The following RHBDL3 variants were observed in gnomAD, a reference collection of about 807,000 sequenced individuals.
RHBDL3 encodes rhomboid-related protein 3.
In RHBDL3, 28 loss-of-function variants were observed where a neutral mutation model predicts 48.2. The ratio of observed to expected loss-of-function variants is 0.58; its 90% CI spans 0.43 to 0.80. The LOEUF is 0.80. RHBDL3 is among the 30% of genes least tolerant of loss of function. The pLI is 0.00. For synonymous variants in RHBDL3, 208 were observed against 232.3 expected (o/e 0.90, Z 0.95); for missense variants, 464 against 542.7 (o/e 0.85, Z 1.44).
At chr17:32,306,082 T>A (rs1347361350) in intron 7 of RHBDL3, among the ~76,000 whole-genome samples, 1 of 152,074 alleles carries the variant, frequency 6.6e-6, no homozygotes, top group African/African-American at 2.4e-5. Flanking sequence ...ACAGTCAAGT[T>A]TGTGGCAAAA....
intron 3 of RHBDL3, among the ~76,000 whole-genome samples, chr17:32,285,590 CTG>C (rs1472252420): frequency 6.6e-6 from 1 of 152,078 alleles, no homozygotes. Context: ...CTGCTGTGGA[CTG>C]GGGTTCAGTG....
chr17:32,292,014 C>T (rs2040342868), intron 4 of RHBDL3, among the ~76,000 whole-genome samples: 1 of 152,076 alleles, frequency 6.6e-6, no homozygotes, highest in Non-Finnish European at 1.5e-5. Flanking sequence ...TTGTGATCTG[C>T]CCGCCTCGGC....
intron 6 of RHBDL3, among the ~76,000 whole-genome samples, chr17:32,300,372 AC>A (rs1342293139): frequency 1.3e-5 from 2 of 151,900 alleles, no homozygotes; most frequent in Non-Finnish European, 2.9e-5. Flanking sequence ...ACATAGGGAG[AC>A]CCTGTCTCTA....
intron 8 of RHBDL3, among the ~76,000 whole-genome samples, chr17:32,317,048 T>G (rs572964609): frequency 6.6e-6 from 1 of 152,006 alleles, no homozygotes; most frequent in East Asian, 1.9e-4. Flanking sequence ...CTTTTTTGTA[T>G]TTTTTGTAAA....
intron 2 of RHBDL3, among the ~76,000 whole-genome samples, chr17:32,282,886 T>C (rs112207976): frequency 1.3e-5 from 2 of 152,050 alleles, no homozygotes; most frequent in African/African-American, 4.8e-5. Context: ...CCTCCCAAAG[T>C]GTTGGGATTA....
At position 32,273,575 on chromosome 17, in the gene RHBDL3, G is replaced by A. The variant is rs148016293; in HGVS notation, c.135+5650G>A. On this transcript the variant is annotated intron_variant, in intron 2 of 8. Transcript: ENST00000269051. ...ACGCCTCAGTTTTCTCATCCGTAAA[G>A]TGCCAGCCTAGTACCTTCCCCCCTA... Among the ~76,000 whole-genome samples the A allele has an allele frequency of 2.6e-4, 39 of 152,338 alleles. No homozygotes were observed. The East Asian group carries it at 6.4e-3, about 25-fold the overall frequency.
At position 32,266,168 on chromosome 17, in the gene RHBDL3, G is replaced by A. The variant is rs1410443019; in HGVS notation, c.-22G>A. 2 of 1,066,258 alleles carry A rather than the reference G, an allele frequency of 1.9e-6. No individual in the cohort carries two copies. Among genetic ancestry groups the A allele is most frequent in the Non-Finnish European group, 2.3e-6 (2 of 851,476 alleles). 66.0% of individuals were successfully genotyped at this position (1,066,258 alleles called of 1,614,324 possible). On this transcript the variant is annotated 5_prime_UTR_variant, in exon 1 of 9. Transcript: ENST00000269051. ...CGGGACGAGCCCCGCAGCCGCCGCCGCCCCCGGACCCCGTCTCGGCCATGG... is the reference window on the plus strand; with the variant it reads ...CGGGACGAGCCCCGCAGCCGCCGCCACCCCCGGACCCCGTCTCGGCCATGG...
chr17:32,297,385 C>G (rs2040476427), intron 5 of RHBDL3, among the ~76,000 whole-genome samples: 2 of 152,142 alleles, frequency 1.3e-5, no homozygotes, highest in South Asian at 4.1e-4. Context: ...TCGCTTGAAC[C>G]CAGGAGGCAG....
rs1011967363 is a variant in RHBDL3, at chr17:32,266,095, G to A, written c.-95G>A. 4.9e-4 allele frequency: 119 copies of A among 240,772 alleles called. No homozygotes were observed. Among genetic ancestry groups the A allele is most frequent in the African/African-American group, 3.3e-4 (14 of 42,180 alleles). 14.9% of individuals were successfully genotyped at this position (240,772 alleles called of 1,614,324 possible). On this transcript the variant is annotated 5_prime_UTR_variant, in exon 1 of 9. Coordinates refer to ENST00000269051, the MANE Select transcript of RHBDL3 (RefSeq NM_138328.3). ...GCGGAGGCGGCGCGGCGCGCACTGA[G>A]CCCCTGGAGCGGCGCGGCCGCCGCG...
chr17:32,267,377 C>G (rs893106327), intron 1 of RHBDL3, among the ~76,000 whole-genome samples: 1 of 148,320 alleles, frequency 6.7e-6, no homozygotes, highest in African/African-American at 2.5e-5. Context: ...AACGAACAAA[C>G]AAACAAAAAA....
chr17:32,297,967 C>T, intron 5 of RHBDL3, 125 bp from the exon 6 acceptor site: 3 of 689,424 alleles, frequency 4.4e-6, no homozygotes, highest in Non-Finnish European at 7.9e-6. Flanking sequence ...GAGCTCCTCG[C>T]AGGCAGAGGT....
intron 2 of RHBDL3, among the ~76,000 whole-genome samples, chr17:32,272,220 C>A (rs974591488): frequency 6.6e-6 from 1 of 152,264 alleles, no homozygotes; most frequent in Non-Finnish European, 1.5e-5. Context: ...GATCCAGGCC[C>A]CTACGGGGAA....
intron 2 of RHBDL3, among the ~76,000 whole-genome samples, chr17:32,283,847 C>T (rs1480758794): frequency 6.6e-6 from 1 of 152,074 alleles, no homozygotes. Flanking sequence ...GGCTGGAGGC[C>T]CAGAGGTCTG....
chr17:32,268,774 G>A (rs1364963557), intron 2 of RHBDL3, among the ~76,000 whole-genome samples: 1 of 152,198 alleles, frequency 6.6e-6, no homozygotes. Context: ...CCAGGACTTC[G>A]TTGTAGGCAG....
intron 8 of RHBDL3, among the ~76,000 whole-genome samples, chr17:32,319,180 T>C (rs2041046461): frequency 6.6e-6 from 1 of 151,444 alleles, no homozygotes; most frequent in Non-Finnish European, 1.5e-5. Context: ...CCCAGCACTT[T>C]GGGAGGCCGA....
chr17:32,306,318 G>A (rs1417484809), intron 7 of RHBDL3, among the ~76,000 whole-genome samples: 1 of 152,060 alleles, frequency 6.6e-6, no homozygotes, highest in African/African-American at 2.4e-5. Flanking sequence ...CAGCTACTTG[G>A]GAGGCTGAGG....
At chr17:32,266,493 G>A (rs1053195983) in intron 1 of RHBDL3, among the ~76,000 whole-genome samples, 193 bp downstream of exon 1, 11 of 152,222 alleles carry the variant, frequency 7.2e-5, no homozygotes, top group Middle Eastern at 3.4e-3. Flanking sequence ...CGCTTCCCCC[G>A]CTCTGGTTCC....
chr17:32,288,972 T>C lies in RHBDL3; in HGVS notation c.475T>C (p.Cys159Arg), dbSNP rs780847434. Residue 159 changes from cysteine to arginine, a missense_variant, in exon 4 of 9, where the codon TGC (cysteine) becomes CGC (arginine). Transcript: ENST00000269051. ...DRKWYYDSYT[C>R]CPPPWFMITV... is the part of the protein sequence containing the mutation. The stretch of plus-strand genomic sequence containing the variant: ...CAAGTGGTACTATGACAGCTACACC[T>C]GCTGCCCCCCACCCTGGTTCATGAT... The C allele has an allele frequency of 2.5e-6, 4 of 1,614,134 alleles. No individual in the cohort carries two copies. Among genetic ancestry groups the C allele is most frequent in the Non-Finnish European group, 3.4e-6 (4 of 1,180,018 alleles).
Position 32,277,904 on chromosome 17 carries a change from G to A in RHBDL3, c.136-6755G>A, listed in dbSNP as rs9905913. ...CCTTGCAGAGTCCTTGATATGGTGC[G>A]TTATGACCCTCCAAGAGGTTTTTCC... On this transcript the variant is annotated intron_variant, in intron 2 of 8. Coordinates refer to ENST00000269051, the MANE Select transcript of RHBDL3 (RefSeq NM_138328.3). 8.0e-3 allele frequency among the ~76,000 whole-genome samples: 1,226 copies of A among 152,318 alleles called. 23 individuals are homozygous for A. Among genetic ancestry groups the A allele is most frequent in the African/African-American group, 0.028 (1,144 of 41,560 alleles).
Sources: allele counts gnomAD v4.1 joint callset (sites outside exome capture counted in the v4.1 genomes callset), GRCh38; gene constraint gnomAD v4.1.1; transcripts MANE v1.5; gene names NCBI Gene and HGNC (gene_info 2026-07-23, HGNC 2026-07-21).